Variants in DPY19L1 observed in about 807,000 individuals in gnomAD.
DPY19L1 encodes protein C-mannosyl-transferase DPY19L1.
Under a neutral mutation model 96.9 loss-of-function variants are expected in DPY19L1, and 35 were observed. That is an observed-to-expected ratio of 0.36 (90% confidence interval 0.28 to 0.48). The LOEUF (loss-of-function observed/expected upper bound fraction) is 0.48. Among genes scored for constraint, DPY19L1 ranks in the 20% least tolerant of loss-of-function variants. DPY19L1 has a pLI of 0.99. For missense variants in DPY19L1, 521 were observed against 777.9 expected, an observed-to-expected ratio of 0.67 and a Z score of 3.93; for synonymous variants, 205 against 252.6, an observed-to-expected ratio of 0.81 and a Z score of 1.79.
Position 35,031,895 on chromosome 7 carries a change from C to T in DPY19L1, c.298+5202G>A, listed in dbSNP as rs554961581. On this transcript the variant is annotated intron_variant, in intron 1 of 21. Coordinates refer to ENST00000638088, the MANE Select transcript of DPY19L1 (RefSeq NM_001366673.1). ...AAACATTAAAGAAATTCTTTAAAAT[C>T]CCAAATTCCCATTGGCATAACCTCT... Among the ~76,000 whole-genome samples, 30 of 152,196 alleles carry T rather than the reference C, an allele frequency of 2.0e-4. No homozygotes were observed. The South Asian group carries it at 5.6e-3, about 28-fold the overall frequency.
chr7:35,011,944 T>C (rs1206457092), intron 4 of DPY19L1, among the ~76,000 whole-genome samples: 1 of 152,252 alleles, frequency 6.6e-6, no homozygotes, highest in Non-Finnish European at 1.5e-5. Context: ...AATAGTGTGA[T>C]ACTGGCACAA....
At chr7:34,948,114 A>G (rs1174247828) in intron 14 of DPY19L1, among the ~76,000 whole-genome samples, 1 of 152,118 alleles carries the variant, frequency 6.6e-6, no homozygotes, top group Admixed American at 6.5e-5. Context: ...CGCATAAACA[A>G]AATAATGATC....
intron 1 of DPY19L1, among the ~76,000 whole-genome samples, chr7:35,029,946 T>C (rs1040389342): frequency 5.3e-5 from 8 of 152,204 alleles, no homozygotes; most frequent in Non-Finnish European, 1.0e-4. Flanking sequence ...AATAATTACA[T>C]TGGGCCATTC....
At chr7:34,942,689 C>G (rs755161945) in intron 16 of DPY19L1, 50 bp from the exon 17 acceptor site, 58 of 1,491,102 alleles carry the variant, frequency 3.9e-5, no homozygotes, top group South Asian at 6.1e-5. Context: ...GAAGCACTTA[C>G]GTCATATATT....
At chr7:34,967,059 T>C in intron 9 of DPY19L1, 88 bp from the exon 10 acceptor site, 1 of 975,466 alleles carries the variant, frequency 1.0e-6, no homozygotes, top group South Asian at 1.9e-5. Context: ...TTCAACTGAT[T>C]TATATCTACA....
chr7:34,955,967 A>ACT (rs5883482), intron 11 of DPY19L1, among the ~76,000 whole-genome samples: 2,929 of 152,236 alleles, frequency 0.019, 45 homozygotes, highest in Non-Finnish European at 0.028. Context: ...TTTCAAAGTG[A>ACT]AATTATAAAT....
chr7:35,022,537 C>G (rs1442690471), intron 1 of DPY19L1, among the ~76,000 whole-genome samples: 2 of 152,152 alleles, frequency 1.3e-5, no homozygotes, highest in Non-Finnish European at 2.9e-5. Context: ...TGAGAGGACT[C>G]TACTGAAAAT....
intron 1 of DPY19L1, among the ~76,000 whole-genome samples, chr7:35,028,581 G>A (rs950471162): frequency 2.0e-5 from 3 of 152,050 alleles, no homozygotes; most frequent in Admixed American, 6.6e-5. Context: ...ACCAGAAAAC[G>A]GTCCTGATCC....
chr7:34,938,243 C>T lies in DPY19L1; in HGVS notation c.1965-124G>A, dbSNP rs1056242806. The T allele has an allele frequency of 3.8e-5, 42 of 1,108,400 alleles. No homozygotes were observed. The African/African-American group carries it at 6.2e-4, about 16-fold the overall frequency. 68.7% of individuals were successfully genotyped at this position (1,108,400 alleles called of 1,614,324 possible). A position where few individuals can be genotyped will look rare whatever the true frequency, so the allele number is the denominator to read the frequency against. ...AAGAATCCAGTCAGGAGGAAATTCC[C>T]CATGGAAGTTCCCGCTAAGGGGCAT... is the stretch of plus-strand genomic sequence containing the variant. On this transcript the variant is annotated intron_variant, in intron 20 of 21. Transcript: ENST00000638088.
chr7:34,940,798 T>C (rs1783994128), intron 18 of DPY19L1: 1 of 162,506 alleles, frequency 6.2e-6, no homozygotes, highest in South Asian at 2.1e-4. Context: ...TTTGCTATTT[T>C]TAACGACAAA....
intron 10 of DPY19L1, among the ~76,000 whole-genome samples, chr7:34,960,286 C>T (rs1259346214): frequency 1.3e-5 from 2 of 151,940 alleles, no homozygotes; most frequent in Admixed American, 6.6e-5. Flanking sequence ...ATCAAATCTT[C>T]AGATCCCAAA....
intron 2 of DPY19L1, among the ~76,000 whole-genome samples, chr7:35,018,172 G>C (rs1785906006): frequency 6.6e-6 from 1 of 151,958 alleles, no homozygotes; most frequent in African/African-American, 2.4e-5. Context: ...AATCAAATTA[G>C]ATTTTAAAAT....
At chr7:34,966,746 T>C in intron 10 of DPY19L1, 148 bp downstream of exon 10, 1 of 742,630 alleles carries the variant, frequency 1.3e-6, no homozygotes, top group Non-Finnish European at 2.0e-6. Context: ...TCTATCAAAA[T>C]GAGGTCTGTT....
chr7:35,037,760 A>T, upstream of DPY19L1: 1 of 1,099,526 alleles, frequency 9.1e-7, no homozygotes, highest in Non-Finnish European at 1.1e-6. Flanking sequence ...GCCAGCGCGC[A>T]CGCGCGGACT....
intron 7 of DPY19L1, among the ~76,000 whole-genome samples, chr7:34,974,302 C>G (rs2021371): frequency 0.2 from 29,840 of 152,092 alleles, 3,310 homozygotes; most frequent in Admixed American, 0.35. Flanking sequence ...AAACCGCATA[C>G]AATTAAATGC....
chr7:35,024,578 T>C (rs896059228), intron 1 of DPY19L1, among the ~76,000 whole-genome samples: 10 of 152,158 alleles, frequency 6.6e-5, no homozygotes, highest in African/African-American at 2.2e-4. Flanking sequence ...ACACACAACA[T>C]GTAGCCCACA....
At chr7:34,989,644 CAAAAAA>C (rs375852661) in intron 7 of DPY19L1, among the ~76,000 whole-genome samples, 1 of 146,520 alleles carries the variant, frequency 6.8e-6, no homozygotes, top group South Asian at 2.2e-4. Flanking sequence ...ACAACAACAA[CAAAAAA>C]AAAAAACAGA....
intron 8 of DPY19L1, among the ~76,000 whole-genome samples, chr7:34,970,257 G>A (rs552392553): frequency 6.6e-6 from 1 of 152,276 alleles, no homozygotes; most frequent in Non-Finnish European, 1.5e-5. Context: ...ATCCTGGCTA[G>A]ATAAACCTAC....
intron 6 of DPY19L1, among the ~76,000 whole-genome samples, chr7:35,004,236 C>A (rs1024917029): frequency 6.6e-6 from 1 of 152,238 alleles, no homozygotes; most frequent in African/African-American, 2.4e-5. Context: ...GCGCTCCTGA[C>A]AGCCTCAGAA....
Sources: allele counts gnomAD v4.1 joint callset (sites outside exome capture counted in the v4.1 genomes callset), GRCh38; gene constraint gnomAD v4.1.1; transcripts MANE v1.5; gene names NCBI Gene and HGNC (gene_info 2026-07-23, HGNC 2026-07-21).